The following LAMP2 variants were observed in gnomAD, a reference collection of about 807,000 sequenced individuals.
The protein encoded by LAMP2 is lysosome-associated membrane glycoprotein 2.
In LAMP2, 4 loss-of-function variants were observed where a neutral mutation model predicts 25.6. The ratio of observed to expected loss-of-function variants is 0.16; its 90% CI spans 0.08 to 0.36. LAMP2 has a LOEUF of 0.36. LAMP2 is among the 10% of genes least tolerant of loss of function. LAMP2 has a pLI of 1.00. For missense variants in LAMP2, 272 were observed against 301.4 expected (o/e 0.90, Z 0.72); for synonymous variants, 108 against 112.7 (o/e 0.96, Z 0.27).
chrX:120,462,514 C>T (rs1921358295), intron 1 of LAMP2, among the ~76,000 whole-genome samples: 1 of 79,776 alleles, frequency 1.3e-5, no homozygotes, highest in South Asian at 6.6e-4. Context: ...GGAACAAGAC[C>T]CTGTCAAAAA....
intron 6 of LAMP2, among the ~76,000 whole-genome samples, chrX:120,443,797 C>A (rs905213003): frequency 1.3e-4 from 14 of 111,067 alleles, no homozygotes; most frequent in Non-Finnish European, 1.1e-4. Context: ...CTGGCTAACA[C>A]GGTGAAATCC....
chrX:120,450,666 T>G (rs1222899824), intron 3 of LAMP2, among the ~76,000 whole-genome samples: 2 of 111,312 alleles, frequency 1.8e-5, no homozygotes, highest in East Asian at 5.6e-4. Context: ...TGTTTGCCTC[T>G]TAGCAGGCAA....
chrX:120,444,328 C>G (rs763745524), intron 6 of LAMP2, among the ~76,000 whole-genome samples: 4 of 111,943 alleles, frequency 3.6e-5, no homozygotes, highest in African/African-American at 1.3e-4. Context: ...TAGGCTACAT[C>G]TTGGCTTTGC....
chrX:120,450,936 AT>A (rs1251479205), intron 3 of LAMP2, among the ~76,000 whole-genome samples: 2 of 108,224 alleles, frequency 1.8e-5, no homozygotes, highest in Non-Finnish European at 3.8e-5. Flanking sequence ...TATATATATA[AT>A]TTTTTTTTGA....
Position 120,430,789 on chromosome X carries a change from G to T in LAMP2, c.*534C>A. The T allele has an allele frequency of 1.3e-6, 1 of 756,571 alleles. No homozygotes were observed. Among genetic ancestry groups the T allele is most frequent in the Admixed American group, 8.0e-5 (1 of 12,444 alleles). The allele number at this position is 756,571 out of a possible 1,213,427, so 62.3% of individuals were successfully genotyped here. A position where few individuals can be genotyped will look rare whatever the true frequency, so the allele number is the denominator to read the frequency against. ...CCTTTAAAATGCTGATGGTCCTGAG[G>T]ACATTCTCTACTTCATTCAACTGAA... On this transcript the variant is annotated 3_prime_UTR_variant, in exon 9 of 9. Transcript: ENST00000200639.
Position 120,449,062 on chromosome X carries a change from C to T in LAMP2, c.464G>A (p.Ser155Asn). The part of the protein sequence containing the change: ...IPLNDLFRCN[S>N]LSTLEKNDVV... ...ATCATTCTTTTCCAAAGTTGATAAA[C>T]TATTGCATCTAAAAAGGTCATTCAA... is the stretch of plus-strand genomic sequence containing the variant. The change falls in exon 4 of 9, where the codon AGT (serine) becomes AAT (asparagine). Residue 155 changes from serine (S) to asparagine (N), a missense_variant. Transcript: ENST00000200639. 1 of 1,201,744 alleles carries T rather than the reference C, an allele frequency of 8.3e-7. No individual in the cohort carries two copies. Among genetic ancestry groups the T allele is most frequent in the Non-Finnish European group, 1.1e-6 (1 of 886,350 alleles).
intron 3 of LAMP2, among the ~76,000 whole-genome samples, chrX:120,452,930 ACTTTTT>A (rs1329744092): frequency 9.1e-6 from 1 of 110,398 alleles, no homozygotes; most frequent in African/African-American, 3.3e-5. Flanking sequence ...TTTACTGTGT[ACTTTTT>A]CTTTTTTGAG....
chrX:120,449,238 A>C lies in LAMP2; in HGVS notation c.398-110T>G, dbSNP rs59050206. ...TCTCTCTGCCTGCCCTACCCCAGGC[A>C]CAAAGTGACAAAGGATATAGCATGC... On this transcript the variant is annotated intron_variant, in intron 3 of 8. Transcript: ENST00000200639. 0.027 allele frequency: 15,257 copies of C among 572,436 alleles called. 1,276 individuals carry two copies. The African/African-American group carries it at 0.27, about 10-fold the overall frequency. 47.2% of individuals were successfully genotyped at this position (572,436 alleles called of 1,213,427 possible).
At chrX:120,455,781 C>T (rs1157556348) in intron 2 of LAMP2, among the ~76,000 whole-genome samples, 1 of 108,858 alleles carries the variant, frequency 9.2e-6, no homozygotes, top group Admixed American at 9.9e-5. Context: ...AAAAGGAAAA[C>T]TGGCTTGAGC....
intron 1 of LAMP2, among the ~76,000 whole-genome samples, chrX:120,458,580 T>C: frequency 9.0e-6 from 1 of 111,552 alleles, no homozygotes; most frequent in Non-Finnish European, 1.9e-5. Context: ...AGTGCAATTC[T>C]TTCCACTTCT....
chrX:120,465,803 C>T (rs1272267884), intron 1 of LAMP2, among the ~76,000 whole-genome samples: 2 of 111,967 alleles, frequency 1.8e-5, no homozygotes, highest in Non-Finnish European at 3.8e-5. Flanking sequence ...ATTGATTTAG[C>T]TACATATTAG....
intron 8 of LAMP2, among the ~76,000 whole-genome samples, chrX:120,431,892 G>T (rs2058524725): frequency 8.9e-6 from 1 of 112,013 alleles, no homozygotes; most frequent in African/African-American, 3.2e-5. Context: ...GCAGACATAA[G>T]AACTCAATAC....
chrX:120,469,267 G>A lies in LAMP2; in HGVS notation c.-98C>T. The stretch of plus-strand genomic sequence containing the variant: ...TCGCTGGACCTGGGTCAAGAGCACT[G>A]ATGACCACCGACCACAGCCTTGCAA... On this transcript the variant is annotated 5_prime_UTR_variant, in exon 1 of 9. Coordinates refer to ENST00000200639, the MANE Select transcript of LAMP2 (RefSeq NM_002294.3). The A allele has an allele frequency of 1.2e-6, 1 of 843,821 alleles. No homozygotes were observed. Among genetic ancestry groups the A allele is most frequent in the Non-Finnish European group, 1.8e-6 (1 of 571,355 alleles). The allele number at this position is 843,821 out of a possible 1,213,427, so 69.5% of individuals were successfully genotyped here.
chrX:120,456,522 A>T (rs1921099599), intron 2 of LAMP2, 129 bp downstream of exon 2: 5 of 410,791 alleles, frequency 1.2e-5, no homozygotes, highest in Non-Finnish European at 2.2e-5. Flanking sequence ...GTGTATGCTT[A>T]AAAAAAATCC....
intron 8 of LAMP2, chrX:120,437,150 G>A (rs2058548373): frequency 4.0e-6 from 3 of 748,113 alleles, no homozygotes; most frequent in Non-Finnish European, 4.7e-6. Context: ...CTAAGAGAGG[G>A]GTTAGTCAGG....
intron 3 of LAMP2, among the ~76,000 whole-genome samples, chrX:120,454,436 C>CTTAAA (rs1346585295): frequency 9.1e-6 from 1 of 110,246 alleles, no homozygotes; most frequent in African/African-American, 3.3e-5. Flanking sequence ...TCTCAGGTTA[C>CTTAAA]TTAACTTTTA....
chrX:120,430,075 C>T lies in LAMP2; in HGVS notation c.*1248G>A. 3 of 753,259 alleles carry T rather than the reference C, an allele frequency of 4.0e-6. No individual in the cohort carries two copies. The highest frequency in any genetic ancestry group is 4.7e-6 in the Non-Finnish European group (3 of 638,254). 62.1% of individuals were successfully genotyped at this position (753,259 alleles called of 1,213,427 possible). A position where few individuals can be genotyped will look rare whatever the true frequency, so the allele number is the denominator to read the frequency against. On this transcript the variant is annotated 3_prime_UTR_variant, in exon 9 of 9. Transcript: ENST00000200639. The stretch of plus-strand genomic sequence containing the variant: ...CTCTCAAAGACTGACAGCTGGGTAA[C>T]AAGATACACTGTATTGTTAATCAGG...
chrX:120,465,335 C>CAAA (rs1921492012), intron 1 of LAMP2, among the ~76,000 whole-genome samples: 3 of 107,295 alleles, frequency 2.8e-5, no homozygotes, highest in African/African-American at 1.0e-4. Flanking sequence ...AACAAACAAA[C>CAAA]CAAAAAACAG....
intron 8 of LAMP2, chrX:120,437,174 G>A: frequency 1.3e-6 from 1 of 750,501 alleles, no homozygotes; most frequent in Non-Finnish European, 1.6e-6. Context: ...CTGATCTTGA[G>A]CCATAAAGGT....
Sources: gnomAD v4.1 joint callset for allele counts (sites outside exome capture counted in the v4.1 genomes callset) on GRCh38, gnomAD v4.1.1 for gene constraint, MANE v1.5 for transcripts, NCBI Gene and HGNC (gene_info 2026-07-23, HGNC 2026-07-21) for gene names.